Variants in ANKRD11 observed in about 807,000 individuals in gnomAD.
ANKRD11 encodes the protein ankyrin repeat domain-containing protein 11.
A neutral mutation model predicts 195.7 loss-of-function variants in ANKRD11; 17 were observed. The ratio of observed to expected loss-of-function variants is 0.09; its 90% CI spans 0.06 to 0.13. The LOEUF is 0.13. Ranked by LOEUF, ANKRD11 falls within the 10% of genes least tolerant of loss-of-function variation. The pLI, the probability that ANKRD11 is intolerant of heterozygous loss-of-function variation, is 1.00. For missense variants in ANKRD11, 3,735 were observed against 3,566.1 expected, an observed-to-expected ratio of 1.05 and a Z score of -1.21; for synonymous variants, 1,953 against 1,528.1, an observed-to-expected ratio of 1.28 and a Z score of -6.49.
intron 4 of ANKRD11, among the ~76,000 whole-genome samples, chr16:89,296,906 CCT>C (rs2035474616): frequency 6.6e-6 from 1 of 152,178 alleles, no homozygotes; most frequent in South Asian, 2.1e-4. Context: ...TCATTGGTGA[CCT>C]CTCAAAGCCC....
intron 12 of ANKRD11, 26 bp from the exon 13 acceptor site, chr16:89,268,689 A>T: frequency 6.4e-7 from 1 of 1,565,922 alleles, no homozygotes; most frequent in Non-Finnish European, 8.7e-7. Context: ...CGGGGAGAGG[A>T]GGGAGGAGGA....
intron 2 of ANKRD11, among the ~76,000 whole-genome samples, chr16:89,334,343 T>C (rs770481535): frequency 1.3e-5 from 2 of 151,834 alleles, no homozygotes; most frequent in African/African-American, 2.4e-5. Flanking sequence ...GTTGGTGACA[T>C]GTGAGGGTAC....
chr16:89,316,654 G>C (rs908467640), intron 3 of ANKRD11, among the ~76,000 whole-genome samples: 2 of 152,190 alleles, frequency 1.3e-5, no homozygotes, highest in Admixed American at 6.5e-5. Flanking sequence ...TGGACTTCTG[G>C]GGGTAGAAAC....
intron 2 of ANKRD11, among the ~76,000 whole-genome samples, chr16:89,337,549 G>C (rs1272668984): frequency 1.4e-5 from 2 of 139,466 alleles, no homozygotes; most frequent in African/African-American, 5.4e-5. Context: ...CCATTCTCCT[G>C]CCTCAACCTC....
At chr16:89,354,037 GCACCCAGCC>G (rs2152037609) in intron 2 of ANKRD11, among the ~76,000 whole-genome samples, 1 of 152,236 alleles carries the variant, frequency 6.6e-6, no homozygotes, top group African/African-American at 2.4e-5. Flanking sequence ...GGGAGCCAGA[GCACCCAGCC>G]CTGCAGGGCT....
chr16:89,353,787 A>G (rs1326735917), intron 2 of ANKRD11, among the ~76,000 whole-genome samples: 1 of 152,194 alleles, frequency 6.6e-6, no homozygotes, highest in African/African-American at 2.4e-5. Flanking sequence ...AACTGGTCAC[A>G]TATCTTATGG....
chr16:89,390,480 T>TA (rs1474710507), intron 2 of ANKRD11, among the ~76,000 whole-genome samples: 6 of 151,938 alleles, frequency 3.9e-5, no homozygotes, highest in African/African-American at 1.5e-4. Flanking sequence ...CAGAAAAAAA[T>TA]ACGTGAAGGA....
At chr16:89,436,001 C>T (rs79128829) in intron 1 of ANKRD11, among the ~76,000 whole-genome samples, 1 of 152,320 alleles carries the variant, frequency 6.6e-6, no homozygotes, top group East Asian at 1.9e-4. Flanking sequence ...CCAGCAGGTG[C>T]TGCTGAGAGC....
At chr16:89,376,707 G>A (rs796533494) in intron 2 of ANKRD11, among the ~76,000 whole-genome samples, 4 of 152,348 alleles carry the variant, frequency 2.6e-5, no homozygotes, top group African/African-American at 9.6e-5. Context: ...CCTAAGTGCT[G>A]GGATTACAGG....
rs565159034 is a variant in ANKRD11, at chr16:89,409,015, C to T, written c.-60+9269G>A. On this transcript the variant is annotated intron_variant, in intron 2 of 12. Coordinates refer to ENST00000301030, the MANE Select transcript of ANKRD11 (RefSeq NM_013275.6). ...CCCAACCCTGCCTCTGGGAGCAAAA[C>T]CAAAAAGAGCCACAGCCACAGCAGA... is the stretch of plus-strand genomic sequence containing the variant. 2.6e-5 allele frequency among the ~76,000 whole-genome samples: 4 copies of T among 152,240 alleles called. No individual in the cohort carries two copies. The East Asian group carries it at 7.7e-4, about 29-fold the overall frequency.
chr16:89,489,753 G>A (rs1470012900), intron 1 of ANKRD11, among the ~76,000 whole-genome samples: 3 of 49,898 alleles, frequency 6.0e-5, no homozygotes, highest in South Asian at 7.5e-4. Context: ...CCCCCCGTCC[G>A]CCCCTCACGG....
At chr16:89,305,794 C>CACCT (rs1555535716) in intron 3 of ANKRD11, among the ~76,000 whole-genome samples, 1 of 129,704 alleles carries the variant, frequency 7.7e-6, no homozygotes, top group Non-Finnish European at 1.6e-5. Flanking sequence ...AGACACGCGC[C>CACCT]ACCTCCCACT....
chr16:89,295,948 G>T (rs2035399021), intron 4 of ANKRD11, among the ~76,000 whole-genome samples: 1 of 142,974 alleles, frequency 7.0e-6, no homozygotes, highest in East Asian at 2.1e-4. Context: ...AACCGCCTGG[G>T]GGTGCTCTGC....
intron 1 of ANKRD11, among the ~76,000 whole-genome samples, chr16:89,434,920 C>T (rs1726466565): frequency 1.3e-5 from 2 of 152,312 alleles, no homozygotes; most frequent in South Asian, 4.1e-4. Flanking sequence ...CTGAAGTGTC[C>T]ATGCGGATGG....
rs555500592 is a variant in ANKRD11, at chr16:89,286,326, C to T, written c.745-140G>A. 92 of 1,263,050 alleles carry T rather than the reference C, an allele frequency of 7.3e-5. No homozygotes were observed. The East Asian group carries it at 2.1e-3, about 28-fold the overall frequency. The allele number at this position is 1,263,050 out of a possible 1,614,324, so 78.2% of individuals were successfully genotyped here. On this transcript the variant is annotated intron_variant, in intron 7 of 12. Coordinates refer to ENST00000301030, the MANE Select transcript of ANKRD11 (RefSeq NM_013275.6). ...CCTCACGGTCTGAGGGTGTGGGAGCCGAGCGCCCAGGGACTGCCTGGCGAG... is the reference window on the plus strand; with the variant it reads ...CCTCACGGTCTGAGGGTGTGGGAGCTGAGCGCCCAGGGACTGCCTGGCGAG...
Position 89,490,466 on chromosome 16 carries a change from G to A in ANKRD11, c.-366C>T. 5.0e-6 allele frequency: 2 copies of A among 400,306 alleles called. No homozygotes were observed. Among genetic ancestry groups the A allele is most frequent in the South Asian group, 1.2e-4 (2 of 16,866 alleles). 24.8% of individuals were successfully genotyped at this position (400,306 alleles called of 1,614,324 possible). On this transcript the variant is annotated 5_prime_UTR_variant, in exon 1 of 13. Transcript: ENST00000301030. ...GGGCGAGAGCCGCGGCTCCCGGTGC[G>A]GACGCTACTGATGGGGCGTCTGGCC...
intron 2 of ANKRD11, among the ~76,000 whole-genome samples, chr16:89,405,081 A>C (rs2041852346): frequency 6.6e-6 from 1 of 152,090 alleles, no homozygotes; most frequent in African/African-American, 2.4e-5. Context: ...ACACGCTCTC[A>C]CAGGACAACT....
chr16:89,326,853 C>A (rs2037753645), intron 2 of ANKRD11, among the ~76,000 whole-genome samples: 1 of 152,228 alleles, frequency 6.6e-6, no homozygotes, highest in South Asian at 2.1e-4. Flanking sequence ...ACAAAGCCTG[C>A]CCGCCAGGGG....
At chr16:89,488,213 A>G (rs1461693733) in intron 1 of ANKRD11, among the ~76,000 whole-genome samples, 1 of 152,208 alleles carries the variant, frequency 6.6e-6, no homozygotes, top group East Asian at 1.9e-4. Flanking sequence ...GAACTTTTCA[A>G]CAAACTTAAG....
Sources: allele counts gnomAD v4.1 joint callset (sites outside exome capture counted in the v4.1 genomes callset), GRCh38; gene constraint gnomAD v4.1.1; transcripts MANE v1.5; gene names NCBI Gene and HGNC (gene_info 2026-07-23, HGNC 2026-07-21).